FAM168A: variants seen among roughly 807,000 people sequenced by gnomAD.
The protein encoded by FAM168A is family with sequence similarity 168 member A, also known as protein FAM168A.
FAM168A carries 3 observed loss-of-function variants against 28.5 expected under a neutral mutation model. That is an observed-to-expected ratio of 0.11 (90% CI 0.05 to 0.27). FAM168A has a LOEUF of 0.27. FAM168A is among the 10% of genes least tolerant of loss of function. FAM168A has a pLI of 1.00. For synonymous variants in FAM168A, 122 were observed against 124.2 expected (o/e 0.98, Z 0.12); for missense variants, 222 against 311.5 (o/e 0.71, Z 2.16).
chr11:73,582,813 T>C (rs1447142378), intron 1 of FAM168A, among the ~76,000 whole-genome samples: 1 of 152,184 alleles, frequency 6.6e-6, no homozygotes, highest in Non-Finnish European at 1.5e-5. Flanking sequence ...CTGCATTCAT[T>C]CCAAGTGAGA....
intron 1 of FAM168A, among the ~76,000 whole-genome samples, chr11:73,480,720 AAACAACAAC>A (rs143495376): frequency 1.3e-5 from 2 of 149,988 alleles, no homozygotes; most frequent in East Asian, 3.9e-4. Context: ...ACAAACAAAC[AAACAACAAC>A]AACAACAAAA....
At chr11:73,431,483 C>T (rs142061361) in intron 2 of FAM168A, among the ~76,000 whole-genome samples, 1 of 152,042 alleles carries the variant, frequency 6.6e-6, no homozygotes, top group East Asian at 1.9e-4. Flanking sequence ...ATCTATCTTT[C>T]CAGATGGCTT....
intron 1 of FAM168A, among the ~76,000 whole-genome samples, chr11:73,481,666 G>A (rs1222809374): frequency 6.6e-6 from 1 of 152,132 alleles, no homozygotes; most frequent in Non-Finnish European, 1.5e-5. Flanking sequence ...CTGTGATATA[G>A]TATAAAAATA....
At chr11:73,561,077 A>C (rs1314662307) in intron 1 of FAM168A, among the ~76,000 whole-genome samples, 5 of 150,320 alleles carry the variant, frequency 3.3e-5, no homozygotes, top group African/African-American at 1.2e-4. Context: ...AAAAAAACAA[A>C]AAACAAAAAG....
At chr11:73,596,369 T>A (rs1023492973) in intron 1 of FAM168A, among the ~76,000 whole-genome samples, 1 of 152,198 alleles carries the variant, frequency 6.6e-6, no homozygotes, top group Non-Finnish European at 1.5e-5. Flanking sequence ...CACCTTTAGT[T>A]TGGAAGTATG....
chr11:73,461,977 G>A (rs542017104), intron 2 of FAM168A, among the ~76,000 whole-genome samples: 63 of 152,246 alleles, frequency 4.1e-4, no homozygotes, highest in South Asian at 2.1e-4. Context: ...AAACATTGGC[G>A]AAGCTGTGCA....
In FAM168A at chr11:73,595,040, A is replaced by C. The variant is rs538017322; in HGVS notation, c.-19+2883T>G. Among the ~76,000 whole-genome samples the C allele has an allele frequency of 1.5e-4, 23 of 152,318 alleles. No homozygotes were observed. The South Asian group carries it at 4.6e-3, about 30-fold the overall frequency. On this transcript the variant is annotated intron_variant, in intron 1 of 7. Coordinates refer to ENST00000356467, the MANE Select transcript of FAM168A (RefSeq NM_015159.3). ...AAAAACACATTACTACTACACAGGT[A>C]ACCACGGCTGTGGAAAAAAAAAATC... is the stretch of plus-strand genomic sequence containing the variant.
chr11:73,535,415 T>C (rs948347783), intron 1 of FAM168A, among the ~76,000 whole-genome samples: 2 of 138,938 alleles, frequency 1.4e-5, no homozygotes, highest in African/African-American at 6.3e-5. Context: ...ATTTTCTTTC[T>C]TTCTTTTTTT....
chr11:73,558,842 G>A (rs1372388753), intron 1 of FAM168A, among the ~76,000 whole-genome samples: 1 of 152,158 alleles, frequency 6.6e-6, no homozygotes, highest in African/African-American at 2.4e-5. Context: ...CTCAAACATT[G>A]TTGGTGGGAA....
chr11:73,593,566 T>C (rs910180812), intron 1 of FAM168A, among the ~76,000 whole-genome samples: 2 of 152,190 alleles, frequency 1.3e-5, no homozygotes, highest in African/African-American at 2.4e-5. Flanking sequence ...ACTGTAAACA[T>C]GCAAATATGC....
chr11:73,439,879 C>CTTTTTTTTT (rs761818483), intron 2 of FAM168A, among the ~76,000 whole-genome samples: 9 of 97,036 alleles, frequency 9.3e-5, no homozygotes, highest in Non-Finnish European at 1.6e-4. Context: ...TCTCAGGTCA[C>CTTTTTTTTT]TTTTTTTTTT....
chr11:73,501,147 T>C (rs1824488549), intron 1 of FAM168A, among the ~76,000 whole-genome samples: 1 of 152,168 alleles, frequency 6.6e-6, no homozygotes, highest in Admixed American at 6.5e-5. Context: ...GTGCTAACTA[T>C]TCTGAATATA....
intron 4 of FAM168A, among the ~76,000 whole-genome samples, chr11:73,411,751 T>A (rs1190469041): frequency 2.6e-5 from 4 of 152,124 alleles, no homozygotes; most frequent in African/African-American, 9.7e-5. Flanking sequence ...TGGATGATTC[T>A]GGGCATCTTT....
At chr11:73,502,247 G>C (rs1003225574) in intron 1 of FAM168A, among the ~76,000 whole-genome samples, 5 of 150,104 alleles carry the variant, frequency 3.3e-5, no homozygotes, top group Non-Finnish European at 7.4e-5. Flanking sequence ...AAAATAGATA[G>C]ACTGCTAGCT....
At chr11:73,430,903 G>T in intron 2 of FAM168A, 133 bp from the exon 3 acceptor site, 1 of 642,972 alleles carries the variant, frequency 1.6e-6, no homozygotes. Context: ...TCTCTCCATG[G>T]GCTATTCCAG....
chr11:73,549,788 A>G (rs1278914632), intron 1 of FAM168A, among the ~76,000 whole-genome samples: 3 of 152,184 alleles, frequency 2.0e-5, no homozygotes, highest in Admixed American at 6.5e-5. Flanking sequence ...CATCATCCCA[A>G]CTTGTGGAAA....
chr11:73,465,365 T>C (rs1867718660), intron 2 of FAM168A, among the ~76,000 whole-genome samples: 1 of 151,794 alleles, frequency 6.6e-6, no homozygotes, highest in Admixed American at 6.6e-5. Flanking sequence ...GAAAAACCTT[T>C]ATGAAGCTTT....
intron 1 of FAM168A, among the ~76,000 whole-genome samples, chr11:73,564,132 T>C (rs1462447027): frequency 1.3e-5 from 2 of 152,206 alleles, no homozygotes; most frequent in African/African-American, 4.8e-5. Flanking sequence ...GTCCTGAACA[T>C]TCAGTTTAGA....
In FAM168A at chr11:73,496,656, G is replaced by A. The variant is rs574897919; in HGVS notation, c.-18-28164C>T. Among the ~76,000 whole-genome samples, 15 of 152,272 alleles carry A rather than the reference G, an allele frequency of 9.9e-5. No homozygotes were observed. The East Asian group carries it at 2.1e-3, about 22-fold the overall frequency. The stretch of plus-strand genomic sequence containing the variant: ...GCTTGCTGCAAGCTCCGCCTCCCGC[G>A]TTCACGCCATTCTCCTGCCTCAGCC... On this transcript the variant is annotated intron_variant, in intron 1 of 7. Coordinates refer to ENST00000356467, the MANE Select transcript of FAM168A (RefSeq NM_015159.3).
Sources: allele counts gnomAD v4.1 joint callset (sites outside exome capture counted in the v4.1 genomes callset), GRCh38; gene constraint gnomAD v4.1.1; transcripts MANE v1.5; gene names NCBI Gene and HGNC (gene_info 2026-07-23, HGNC 2026-07-21).